The following CCSER1 variants were observed in gnomAD, a reference collection of about 807,000 sequenced individuals.
The protein encoded by CCSER1 is coiled-coil serine rich protein 1, also known as serine-rich coiled-coil domain-containing protein 1.
A neutral mutation model predicts 82.0 loss-of-function variants in CCSER1; 41 were observed. The observed-to-expected ratio is 0.50, with a 90% CI of 0.39 to 0.65. The LOEUF (loss-of-function observed/expected upper bound fraction) is 0.65. Ranked by LOEUF, CCSER1 falls within the 30% of genes least tolerant of loss-of-function variation. The pLI is 0.00. For synonymous variants in CCSER1, 414 were observed against 383.9 expected, an observed-to-expected ratio of 1.08 and a Z score of -0.92; for missense variants, 1,119 against 1,064.2, an observed-to-expected ratio of 1.05 and a Z score of -0.72.
chr4:90,307,523 A>C (rs1362411230), intron 1 of CCSER1, among the ~76,000 whole-genome samples: 1 of 112,164 alleles, frequency 8.9e-6, no homozygotes, highest in Non-Finnish European at 1.8e-5. Flanking sequence ...GGGGGGAGGG[A>C]TGGCATAAGA....
intron 8 of CCSER1, among the ~76,000 whole-genome samples, chr4:90,906,898 A>G (rs1725564719): frequency 6.6e-6 from 1 of 152,118 alleles, no homozygotes; most frequent in Admixed American, 6.6e-5. Flanking sequence ...TTCAAACCCT[A>G]TTACTCCAAA....
chr4:90,940,151 G>T (rs1378329988), intron 9 of CCSER1, among the ~76,000 whole-genome samples: 1 of 152,058 alleles, frequency 6.6e-6, no homozygotes, highest in African/African-American at 2.4e-5. Context: ...AATAAAGAAA[G>T]GTACATTTTT....
intron 10 of CCSER1, among the ~76,000 whole-genome samples, chr4:91,598,285 A>C (rs542346045): frequency 9.7e-4 from 147 of 152,276 alleles, no homozygotes; most frequent in African/African-American, 3.3e-3. Flanking sequence ...ATCACCTTTT[A>C]CTTAATAAAA....
chr4:90,837,553 C>G (rs1761966881), intron 8 of CCSER1, among the ~76,000 whole-genome samples: 1 of 151,994 alleles, frequency 6.6e-6, no homozygotes, highest in Non-Finnish European at 1.5e-5. Context: ...TTTTGAAGTA[C>G]TTAGTACGAT....
intron 9 of CCSER1, among the ~76,000 whole-genome samples, chr4:90,950,820 G>A (rs1237414062): frequency 6.6e-6 from 1 of 152,070 alleles, no homozygotes; most frequent in Non-Finnish European, 1.5e-5. Flanking sequence ...AATTGGAGCA[G>A]AGCTAACATG....
At chr4:91,055,825 A>G (rs913840699) in intron 9 of CCSER1, among the ~76,000 whole-genome samples, 2 of 116,052 alleles carry the variant, frequency 1.7e-5, no homozygotes, top group Non-Finnish European at 3.3e-5. Context: ...TCCTCAGTGC[A>G]TATGTTGGTC....
At position 90,457,635 on chromosome 4, in the gene CCSER1, C is replaced by T. The variant is rs943937723; in HGVS notation, c.1604-10599C>T. On this transcript the variant is annotated intron_variant, in intron 4 of 10. Transcript: ENST00000509176. Reference sequence around the variant, plus strand: ...CCACAGGCAGGTTGTCCTAATGTCTCTACAAATCTGGCTGAGTCCAGGCTT... The same window carrying T: ...CCACAGGCAGGTTGTCCTAATGTCTTTACAAATCTGGCTGAGTCCAGGCTT... 2.1e-4 allele frequency among the ~76,000 whole-genome samples: 32 copies of T among 152,164 alleles called. 1 individual carries two copies. Among genetic ancestry groups the T allele is most frequent in the Admixed American group, 1.5e-3 (23 of 15,284 alleles).
At chr4:90,587,057 T>G (rs1034096423) in intron 5 of CCSER1, among the ~76,000 whole-genome samples, 1 of 152,184 alleles carries the variant, frequency 6.6e-6, no homozygotes, top group African/African-American at 2.4e-5. Flanking sequence ...AGTGCTGTAA[T>G]GTGATAAGGA....
chr4:90,396,807 T>G (rs768156500), intron 3 of CCSER1, among the ~76,000 whole-genome samples: 18 of 152,172 alleles, frequency 1.2e-4, no homozygotes, highest in Non-Finnish European at 2.4e-4. Flanking sequence ...CTTCTTTTCT[T>G]TCTTTCTTTC....
chr4:91,496,590 G>C lies in CCSER1; in HGVS notation c.2218-101982G>C, dbSNP rs1256529370. Among the ~76,000 whole-genome samples the C allele has an allele frequency of 1.1e-3, 16 of 15,126 alleles. 4 individuals carry two copies. Among genetic ancestry groups the C allele is most frequent in the South Asian group, 4.8e-3 (2 of 418 alleles). The allele number at this position is 15,126 out of a possible 152,430, so 9.9% of individuals were successfully genotyped here. A position where few individuals can be genotyped will look rare whatever the true frequency, so the allele number is the denominator to read the frequency against. ...TATATATATATATATATATATACAC[G>C]AATATATATTTGAATATATATATAC... is the stretch of plus-strand genomic sequence containing the variant. On this transcript the variant is annotated intron_variant, in intron 10 of 10. Coordinates refer to ENST00000509176, the MANE Select transcript of CCSER1 (RefSeq NM_001145065.2).
chr4:91,345,212 C>T (rs563388014), intron 10 of CCSER1, among the ~76,000 whole-genome samples: 5 of 152,132 alleles, frequency 3.3e-5, no homozygotes, highest in African/African-American at 1.2e-4. Flanking sequence ...GCCAATATGA[C>T]GAAACCCTGT....
intron 10 of CCSER1, among the ~76,000 whole-genome samples, chr4:91,130,442 C>A (rs930102628): frequency 1.3e-5 from 2 of 151,924 alleles, no homozygotes; most frequent in Non-Finnish European, 2.9e-5. Context: ...CTGACCAGGT[C>A]CTTCTCAGTT....
intron 10 of CCSER1, among the ~76,000 whole-genome samples, chr4:91,569,847 T>C (rs543306426): frequency 6.6e-6 from 1 of 152,272 alleles, no homozygotes; most frequent in Admixed American, 6.5e-5. Context: ...ATAATGCCTT[T>C]CTAACAGTTC....
chr4:90,750,107 T>C (rs1748339910), intron 7 of CCSER1, among the ~76,000 whole-genome samples: 2 of 151,972 alleles, frequency 1.3e-5, no homozygotes, highest in Admixed American at 1.3e-4. Flanking sequence ...GAAGTGTCTG[T>C]TCATGTCCTT....
intron 3 of CCSER1, among the ~76,000 whole-genome samples, chr4:90,362,653 C>T (rs528309714): frequency 6.6e-5 from 10 of 152,152 alleles, no homozygotes; most frequent in South Asian, 4.1e-4. Flanking sequence ...TTTCCTTTTC[C>T]GCTGGCTTCT....
intron 6 of CCSER1, chr4:90,641,913 G>T (rs745738476): frequency 6.2e-6 from 2 of 324,368 alleles, no homozygotes; most frequent in Non-Finnish European, 1.4e-5. Flanking sequence ...CACTAATGTG[G>T]TTTTATTATG....
intron 9 of CCSER1, among the ~76,000 whole-genome samples, chr4:90,970,845 A>C (rs1315144485): frequency 2.0e-5 from 3 of 151,978 alleles, no homozygotes; most frequent in African/African-American, 7.3e-5. Context: ...GTTGAATCTA[A>C]AGGGAAATAA....
At chr4:90,201,326 A>G (rs1002582520) in intron 1 of CCSER1, among the ~76,000 whole-genome samples, 9 of 152,134 alleles carry the variant, frequency 5.9e-5, no homozygotes. Flanking sequence ...CTCTTAAAGA[A>G]CATGCTGTAG....
At chr4:90,619,028 T>C (rs1207922937) in intron 5 of CCSER1, among the ~76,000 whole-genome samples, 1 of 151,808 alleles carries the variant, frequency 6.6e-6, no homozygotes, top group African/African-American at 2.4e-5. Context: ...CTATAATATA[T>C]TTATAAAATG....
Sources: gnomAD v4.1 joint callset for allele counts (sites outside exome capture counted in the v4.1 genomes callset) on GRCh38, gnomAD v4.1.1 for gene constraint, MANE v1.5 for transcripts, NCBI Gene and HGNC (gene_info 2026-07-23, HGNC 2026-07-21) for gene names.